The following HHAT variants were observed in gnomAD, a reference collection of about 807,000 sequenced individuals.
The protein encoded by HHAT is hedgehog acyltransferase.
In HHAT, 47 loss-of-function variants were observed where a neutral mutation model predicts 70.8. That is an observed-to-expected ratio of 0.66 (90% CI 0.53 to 0.85). HHAT has a LOEUF of 0.85. Among genes scored for constraint, HHAT ranks in the 40% least tolerant of loss-of-function variants. HHAT has a pLI of 0.00. For synonymous variants in HHAT, 228 were observed against 247.6 expected (o/e 0.92, Z 0.74); for missense variants, 609 against 604.8 (o/e 1.01, Z -0.07).
intron 7 of HHAT, among the ~76,000 whole-genome samples, chr1:210,419,221 T>C (rs189697465): frequency 1.3e-5 from 2 of 152,302 alleles, no homozygotes; most frequent in East Asian, 1.9e-4. Context: ...GGGTGTACCT[T>C]GTACACTGTC....
intron 8 of HHAT, among the ~76,000 whole-genome samples, chr1:210,505,745 C>A (rs1464299159): frequency 2.0e-5 from 3 of 152,158 alleles, no homozygotes; most frequent in Admixed American, 6.5e-5. Flanking sequence ...CTGAAGTTTG[C>A]AAATGGGAGA....
At chr1:210,618,008 A>T (rs1668086223) in intron 10 of HHAT, among the ~76,000 whole-genome samples, 1 of 152,168 alleles carries the variant, frequency 6.6e-6, no homozygotes, top group South Asian at 2.1e-4. Context: ...CACACATAGG[A>T]TATGCGTGGT....
At chr1:210,594,740 A>C (rs918538031) in intron 10 of HHAT, among the ~76,000 whole-genome samples, 6 of 152,204 alleles carry the variant, frequency 3.9e-5, no homozygotes, top group African/African-American at 7.2e-5. Context: ...GGTGTTGATG[A>C]AATTCCTCAG....
chr1:210,425,325 T>G (rs985523997), intron 7 of HHAT, among the ~76,000 whole-genome samples: 1 of 152,226 alleles, frequency 6.6e-6, no homozygotes, highest in African/African-American at 2.4e-5. Context: ...ATAGTTTGTT[T>G]TGCTGTGCAG....
rs55884682 is a variant in HHAT, at chr1:210,328,974, G to A, written c.-174G>A. On this transcript the variant is annotated 5_prime_UTR_variant, in exon 1 of 12. Transcript: ENST00000261458. ...CTCCAAAGGGCAGCTCCGGGGGAAAGAGGGTGGCGTCCCGGGGAAGCCCGC... is the reference window on the plus strand; with the variant it reads ...CTCCAAAGGGCAGCTCCGGGGGAAAAAGGGTGGCGTCCCGGGGAAGCCCGC... The A allele has an allele frequency of 1.5e-6, 2 of 1,319,382 alleles. No individual in the cohort carries two copies. The highest frequency in any genetic ancestry group is 1.9e-6 in the Non-Finnish European group (2 of 1,027,282). The allele number at this position is 1,319,382 out of a possible 1,614,324, so 81.7% of individuals were successfully genotyped here. A position where few individuals can be genotyped will look rare whatever the true frequency, so the allele number is the denominator to read the frequency against.
chr1:210,422,552 G>T (rs1432201627), intron 7 of HHAT, among the ~76,000 whole-genome samples: 1 of 152,144 alleles, frequency 6.6e-6, no homozygotes, highest in Non-Finnish European at 1.5e-5. Context: ...ATGTACCCCA[G>T]TTCCATCTTT....
chr1:210,547,127 C>T (rs547116349), intron 9 of HHAT, among the ~76,000 whole-genome samples: 10 of 152,032 alleles, frequency 6.6e-5, no homozygotes, highest in South Asian at 2.1e-4. Flanking sequence ...GTTAGGAGTT[C>T]GAGACCAGTC....
chr1:210,599,837 A>G (rs1663842908), intron 10 of HHAT, among the ~76,000 whole-genome samples: 1 of 152,148 alleles, frequency 6.6e-6, no homozygotes, highest in Non-Finnish European at 1.5e-5. Context: ...TCTTAGAACC[A>G]GGTCCACAAC....
At chr1:210,605,616 T>C (rs1665232304) in intron 10 of HHAT, among the ~76,000 whole-genome samples, 1 of 152,232 alleles carries the variant, frequency 6.6e-6, no homozygotes, top group South Asian at 2.1e-4. Context: ...GCGTGTATTA[T>C]CATTATTCCC....
chr1:210,541,216 A>C (rs2095427725), intron 9 of HHAT, among the ~76,000 whole-genome samples: 1 of 152,224 alleles, frequency 6.6e-6, no homozygotes, highest in Admixed American at 6.5e-5. Flanking sequence ...GACAATACTG[A>C]GCAATGTTTC....
chr1:210,423,663 T>C (rs752280881), intron 7 of HHAT, among the ~76,000 whole-genome samples: 1 of 152,194 alleles, frequency 6.6e-6, no homozygotes. Context: ...CCTAATGCTT[T>C]CTTCTAGTAT....
chr1:210,580,140 T>C (rs1489893363), intron 9 of HHAT, among the ~76,000 whole-genome samples: 3 of 152,206 alleles, frequency 2.0e-5, no homozygotes. Context: ...ATGAAGCTTA[T>C]GTACAGCATC....
chr1:210,360,846 C>CTTTTTTTTTTTTTTTTTTTTTTTTTTTTT (rs3036585), intron 2 of HHAT, among the ~76,000 whole-genome samples: 1 of 124,302 alleles, frequency 8.0e-6, no homozygotes, highest in Admixed American at 8.1e-5. Flanking sequence ...ATTAACTTCA[C>CTTTTTTTTTTTTTTTTTTTTTTTTTTTTT]TTTTTTTTTT....
intron 11 of HHAT, among the ~76,000 whole-genome samples, chr1:210,643,854 G>T (rs574454583): frequency 4.0e-5 from 6 of 151,680 alleles, no homozygotes; most frequent in Non-Finnish European, 8.8e-5. Context: ...TTTAGAGGTG[G>T]TGGAAAATGA....
chr1:210,608,998 C>T (rs1028644990), intron 10 of HHAT, among the ~76,000 whole-genome samples: 1 of 152,146 alleles, frequency 6.6e-6, no homozygotes, highest in African/African-American at 2.4e-5. Context: ...CCTTATAAAA[C>T]CGTCAGAGCT....
At chr1:210,408,109 G>C (rs922368486) in intron 6 of HHAT, among the ~76,000 whole-genome samples, 1 of 152,148 alleles carries the variant, frequency 6.6e-6, no homozygotes, top group Non-Finnish European at 1.5e-5. Flanking sequence ...GCCTCCCTCA[G>C]GATTGCTGTG....
chr1:210,524,420 C>G (rs1467085757), intron 9 of HHAT, among the ~76,000 whole-genome samples: 1 of 152,010 alleles, frequency 6.6e-6, no homozygotes, highest in Non-Finnish European at 1.5e-5. Flanking sequence ...AAGGAGTCAC[C>G]AGGGAAAGGG....
At chr1:210,433,534 C>T (rs987570379) in intron 7 of HHAT, among the ~76,000 whole-genome samples, 5 of 146,458 alleles carry the variant, frequency 3.4e-5, no homozygotes, top group South Asian at 4.5e-4. Flanking sequence ...TCACATACTC[C>T]ATGGAAGGTG....
chr1:210,457,494 G>A (rs1397398053), intron 7 of HHAT, among the ~76,000 whole-genome samples: 1 of 152,184 alleles, frequency 6.6e-6, no homozygotes, highest in Non-Finnish European at 1.5e-5. Context: ...GACTGACACA[G>A]GGGCATAAGC....
Sources: allele counts gnomAD v4.1 joint callset (sites outside exome capture counted in the v4.1 genomes callset), GRCh38; gene constraint gnomAD v4.1.1; transcripts MANE v1.5; gene names NCBI Gene and HGNC (gene_info 2026-07-23, HGNC 2026-07-21).